The following KCTD1 variants were observed in gnomAD, a reference collection of about 807,000 sequenced individuals.
The protein encoded by KCTD1 is BTB/POZ domain-containing protein KCTD1.
KCTD1 carries 24 observed loss-of-function variants against 66.0 expected under a neutral mutation model. The observed-to-expected ratio is 0.36, with a 90% CI of 0.26 to 0.51. The LOEUF (loss-of-function observed/expected upper bound fraction) is 0.51. Among genes scored for constraint, KCTD1 ranks in the 20% least tolerant of loss-of-function variants. The pLI is 0.95. For synonymous variants in KCTD1, 511 were observed against 517.2 expected (o/e 0.99, Z 0.16); for missense variants, 943 against 1,205.2 (o/e 0.78, Z 3.22).
At chr18:26,553,770 A>G (rs765362113) in intron 1 of KCTD1, among the ~76,000 whole-genome samples, 11 of 151,766 alleles carry the variant, frequency 7.2e-5, no homozygotes, top group Non-Finnish European at 1.3e-4. Context: ...CTTATTTATT[A>G]AGGCTCTATT....
Position 26,548,444 on chromosome 18 carries a change from C to G in KCTD1, c.93G>C (p.Arg31=). The G allele has an allele frequency of 7.3e-7, 1 of 1,367,884 alleles. No individual in the cohort carries two copies. Among genetic ancestry groups the G allele is most frequent in the South Asian group, 1.8e-5 (1 of 56,186 alleles). The allele number at this position is 1,367,884 out of a possible 1,614,324, so 84.7% of individuals were successfully genotyped here. ...AAAAAENNGE[R]GEGERGAGGR... Reference sequence around the variant, plus strand: ...CCCCCGCGCCGCGCTCGCCCTCGCCCCGCTCCCCATTGTTCTCGGCGGCGG... The same window carrying G: ...CCCCCGCGCCGCGCTCGCCCTCGCCGCGCTCCCCATTGTTCTCGGCGGCGG... Residue 31 remains arginine (R), a synonymous_variant, in exon 1 of 5, where the codon CGG becomes CGC. Coordinates refer to ENST00000580059, the MANE Select transcript of KCTD1 (RefSeq NM_001142730.3).
At position 26,548,256 on chromosome 18, in the gene KCTD1, TC is replaced by T; in HGVS notation, c.280del (p.Glu94ArgfsTer29). The T allele has an allele frequency of 6.6e-7, 1 of 1,513,226 alleles. No individual in the cohort carries two copies. The highest frequency in any genetic ancestry group is 8.8e-7 in the Non-Finnish European group (1 of 1,134,740). The allele number at this position is 1,513,226 out of a possible 1,614,324, so 93.7% of individuals were successfully genotyped here. ...GLEEDEEEEE[E>X]EEMGLDWDEP... ...GTCCCAGTCCAGCCCCATCTCCTCC[TC>T]TTCCTCCTCCTCCTCGTCCTCCTCC... On this transcript the variant is annotated frameshift_variant, in exon 1 of 5. Coordinates refer to ENST00000580059, the MANE Select transcript of KCTD1 (RefSeq NM_001142730.3). LOFTEE classifies it high-confidence loss of function.
chr18:26,461,355 G>C (rs1250103656), intron 3 of KCTD1, among the ~76,000 whole-genome samples: 2 of 152,232 alleles, frequency 1.3e-5, no homozygotes, highest in Admixed American at 1.3e-4. Context: ...ATGGGCTGCT[G>C]CTTTATTCTG....
At chr18:26,631,492 G>A (rs1987616426), upstream of KCTD1, among the ~76,000 whole-genome samples, 1 of 148,020 alleles carries the variant, frequency 6.8e-6, no homozygotes, top group Admixed American at 6.7e-5. Flanking sequence ...GTAAAAATAA[G>A]GTATTCTAAT....
At chr18:26,467,393 G>A (rs1419486110) in intron 3 of KCTD1, among the ~76,000 whole-genome samples, 1 of 152,146 alleles carries the variant, frequency 6.6e-6, no homozygotes, top group Non-Finnish European at 1.5e-5. Flanking sequence ...GTGCATGCCT[G>A]CAGCCCCAGC....
At chr18:26,549,014 C>T (rs1985426150), upstream of KCTD1, 1 of 985,124 alleles carries the variant, frequency 1.0e-6, no homozygotes, top group Non-Finnish European at 1.2e-6. Context: ...CCCTCATTGC[C>T]CCCCGGAGCC....
intron 1 of KCTD1, among the ~76,000 whole-genome samples, chr18:26,542,623 T>C (rs565624734): frequency 1.3e-5 from 2 of 152,292 alleles, no homozygotes; most frequent in East Asian, 1.9e-4. Flanking sequence ...ATATAACTAG[T>C]GGTCCTCGGA....
upstream of KCTD1, among the ~76,000 whole-genome samples, chr18:26,644,783 A>ATT (rs1987901860): frequency 6.6e-6 from 1 of 150,752 alleles, no homozygotes; most frequent in African/African-American, 2.4e-5. Flanking sequence ...AGAGAGAGAG[A>ATT]GAGAAAGAGG....
intron 3 of KCTD1, among the ~76,000 whole-genome samples, chr18:26,466,410 A>G (rs1221990036): frequency 6.6e-6 from 1 of 152,012 alleles, no homozygotes; most frequent in Non-Finnish European, 1.5e-5. Context: ...TCCTGTCAAT[A>G]CTCCCTTTAA....
intron 2 of KCTD1, among the ~76,000 whole-genome samples, chr18:26,496,746 AC>A (rs1982495487): frequency 6.6e-6 from 1 of 151,850 alleles, no homozygotes; most frequent in Non-Finnish European, 1.5e-5. Flanking sequence ...ATGTGCACAC[AC>A]ACACACACAC....
At chr18:26,633,379 G>T (rs1291019535), upstream of KCTD1, among the ~76,000 whole-genome samples, 1 of 152,038 alleles carries the variant, frequency 6.6e-6, no homozygotes. Context: ...ATAAAAGGAG[G>T]CTTCATGTAT....
intron 1 of KCTD1, among the ~76,000 whole-genome samples, chr18:26,528,951 G>GC (rs1261564640): frequency 1.3e-5 from 2 of 152,052 alleles, no homozygotes; most frequent in African/African-American, 4.8e-5. Context: ...AAAACAATCT[G>GC]CCCCAATAGC....
intron 2 of KCTD1, among the ~76,000 whole-genome samples, chr18:26,484,870 G>A: frequency 6.6e-6 from 1 of 152,178 alleles, no homozygotes; most frequent in South Asian, 2.1e-4. Context: ...TTTAGCCCAA[G>A]AGCTCAGCTG....
At chr18:26,610,733 GTCTA>G (rs1002631472) in intron 1 of KCTD1, among the ~76,000 whole-genome samples, 254 of 152,150 alleles carry the variant, frequency 1.7e-3, no homozygotes, top group African/African-American at 5.8e-3. Flanking sequence ...GAAGAAAGGA[GTCTA>G]TCTTTTTACT....
At position 26,539,536 on chromosome 18, in the gene KCTD1, C is replaced by A. The variant is rs577583270; in HGVS notation, c.1809+7192G>T. ...TTAATGATTATATTCTACTCCATAGCTACAGAACCAGTTAGAGATTGTGAC... is the reference window on the plus strand; with the variant it reads ...TTAATGATTATATTCTACTCCATAGATACAGAACCAGTTAGAGATTGTGAC... On this transcript the variant is annotated intron_variant, in intron 1 of 4. Coordinates refer to ENST00000580059, the MANE Select transcript of KCTD1 (RefSeq NM_001142730.3). Among the ~76,000 whole-genome samples the A allele has an allele frequency of 1.1e-4, 16 of 152,316 alleles. No homozygotes were observed. In the South Asian group the frequency reaches 3.3e-3, roughly 32 times the overall value.
At position 26,547,654 on chromosome 18, in the gene KCTD1, A is replaced by C; in HGVS notation, c.883T>G (p.Ser295Ala). 6.4e-7 allele frequency: 1 copy of C among 1,551,590 alleles called. No individual in the cohort carries two copies. The highest frequency in any genetic ancestry group is 8.7e-7 in the Non-Finnish European group (1 of 1,146,990). ...TRADLRKLYT[S>A]SVFSTNTPFG... ...GGCGTGTTGGTGCTGAAGACGCTGG[A>C]GGTGTACAGCTTGCGCAGGTCGGCG... Residue 295 changes from serine (S) to alanine (A), a missense_variant, in exon 1 of 5, where the codon TCC (serine) becomes GCC (alanine). Ser to Ala is a moderately conservative substitution (Grantham distance 99, BLOSUM62 1). This residue lies in a region of KCTD1 where 61 missense variants were observed against 109.6 expected (regional missense o/e 0.56). Coordinates refer to ENST00000580059, the MANE Select transcript of KCTD1 (RefSeq NM_001142730.3).
At chr18:26,655,453 G>C (rs3082402) in intron 1 of KCTD1, among the ~76,000 whole-genome samples, 2 of 130,702 alleles carry the variant, frequency 1.5e-5, no homozygotes, top group Non-Finnish European at 3.5e-5. Flanking sequence ...CACACACACA[G>C]ACACACACAC....
intron 1 of KCTD1, among the ~76,000 whole-genome samples, chr18:26,539,559 GAC>G (rs1359631252): frequency 6.6e-6 from 1 of 152,190 alleles, no homozygotes; most frequent in Admixed American, 6.5e-5. Flanking sequence ...TAGAGATTGT[GAC>G]AGTTTATATC....
intron 1 of KCTD1, among the ~76,000 whole-genome samples, chr18:26,655,987 C>G (rs900660211): frequency 1.3e-5 from 2 of 151,308 alleles, no homozygotes; most frequent in Non-Finnish European, 2.9e-5. Context: ...CTCTTGGGGG[C>G]GGGAGAGGAA....
Sources: gnomAD v4.1 joint callset for allele counts (sites outside exome capture counted in the v4.1 genomes callset) on GRCh38, gnomAD v4.1.1 for gene constraint, gnomAD v4.1.1 regional missense constraint, MANE v1.5 for transcripts, NCBI Gene and HGNC (gene_info 2026-07-23, HGNC 2026-07-21) for gene names.